MYH10: variants seen among roughly 807,000 people sequenced by gnomAD.
The protein encoded by MYH10 is myosin-10.
Under a neutral mutation model 257.8 loss-of-function variants are expected in MYH10, and 55 were observed. The ratio of observed to expected loss-of-function variants is 0.21; its 90% CI spans 0.17 to 0.27. The LOEUF (loss-of-function observed/expected upper bound fraction) is 0.27. MYH10 is among the 10% of genes least tolerant of loss of function. The pLI is 1.00. For synonymous variants in MYH10, 854 were observed against 921.7 expected (o/e 0.93, Z 1.33); for missense variants, 1,631 against 2,500.6 (o/e 0.65, Z 7.42).
chr17:8,476,155 T>A (rs1912566372), intron 42 of MYH10, among the ~76,000 whole-genome samples: 1 of 151,700 alleles, frequency 6.6e-6, no homozygotes, highest in Admixed American at 6.6e-5. Flanking sequence ...CGAAGCAGGG[T>A]CCTTGGAGAA....
chr17:8,609,520 A>G (rs968847514), intron 2 of MYH10, among the ~76,000 whole-genome samples: 5 of 152,296 alleles, frequency 3.3e-5, no homozygotes, highest in African/African-American at 1.2e-4. Context: ...CTAAAAGAAA[A>G]CTTTAGGAGA....
chr17:8,499,581 T>C (rs1917198028), intron 29 of MYH10, 105 bp from the exon 30 acceptor site: 1 of 947,208 alleles, frequency 1.1e-6, no homozygotes, highest in Admixed American at 2.3e-5. Flanking sequence ...ACAGTGAGTC[T>C]GTAGTCAACA....
chr17:8,525,461 G>A (rs768396966), intron 17 of MYH10, among the ~76,000 whole-genome samples: 3 of 152,244 alleles, frequency 2.0e-5, no homozygotes, highest in South Asian at 2.1e-4. Context: ...GATGTTGGCC[G>A]GTGCCTGGTG....
intron 3 of MYH10, among the ~76,000 whole-genome samples, chr17:8,589,556 G>C (rs555817595): frequency 6.6e-6 from 1 of 152,038 alleles, no homozygotes; most frequent in African/African-American, 2.4e-5. Context: ...TGGAAACCAC[G>C]GCCTTTCAGA....
chr17:8,537,862 C>T (rs192707642), intron 14 of MYH10, among the ~76,000 whole-genome samples: 5 of 152,198 alleles, frequency 3.3e-5, no homozygotes, highest in East Asian at 3.9e-4. Context: ...TTCTCTGAAC[C>T]GGGTATTTCC....
Position 8,480,474 on chromosome 17 carries a change from C to T in MYH10, c.5316G>A (p.Leu1772=). 6.2e-7 allele frequency: 1 copy of T among 1,612,402 alleles called. No individual in the cohort carries two copies. Among genetic ancestry groups the T allele is most frequent in the Non-Finnish European group, 8.5e-7 (1 of 1,179,982 alleles). The change falls in exon 39 of 43, where the codon CTG becomes CTA. Residue 1772 remains leucine, a synonymous_variant. Coordinates refer to ENST00000360416, the MANE Select transcript of MYH10 (RefSeq NM_001256012.3). ...TCTGCTCCTCTTCCAGCTCCTCCTC[C>T]AGCTGTGCGATCCGAGCTTCCAGAC... ...KRRLEARIAQ[L]EEELEEEQSN...
At chr17:8,515,428 C>T (rs572980782) in intron 21 of MYH10, among the ~76,000 whole-genome samples, 1 of 151,678 alleles carries the variant, frequency 6.6e-6, no homozygotes, top group South Asian at 2.1e-4. Flanking sequence ...TTCCTCCTTG[C>T]TGGTTAGAAT....
At chr17:8,488,791 C>T (rs569792488) in intron 35 of MYH10, among the ~76,000 whole-genome samples, 106 of 152,220 alleles carry the variant, frequency 7.0e-4, no homozygotes, top group African/African-American at 2.5e-3. Context: ...AGGTGCTCGT[C>T]ATCTGCTTGC....
At chr17:8,539,452 T>A (rs775720986) in intron 14 of MYH10, among the ~76,000 whole-genome samples, 3 of 152,148 alleles carry the variant, frequency 2.0e-5, no homozygotes, top group Non-Finnish European at 2.9e-5. Flanking sequence ...CAGGAACCAA[T>A]GAGCTCACCA....
chr17:8,503,139 C>T (rs1209117193), intron 28 of MYH10, among the ~76,000 whole-genome samples: 1 of 151,966 alleles, frequency 6.6e-6, no homozygotes, highest in Non-Finnish European at 1.5e-5. Flanking sequence ...CAAAATTAGC[C>T]GGGCGTGGTG....
intron 25 of MYH10, 90 bp from the exon 26 acceptor site, chr17:8,508,767 G>C (rs1286846359): frequency 6.7e-7 from 1 of 1,499,332 alleles, no homozygotes; most frequent in African/African-American, 1.4e-5. Context: ...TTTGACTCGA[G>C]AGAAAATAAG....
intron 28 of MYH10, among the ~76,000 whole-genome samples, chr17:8,502,448 T>C (rs2151847423): frequency 6.6e-6 from 1 of 151,668 alleles, no homozygotes; most frequent in East Asian, 1.9e-4. Flanking sequence ...AAATCTCTCC[T>C]ACTAGCAGCA....
intron 7 of MYH10, among the ~76,000 whole-genome samples, chr17:8,562,138 C>T (rs1337016815): frequency 3.9e-5 from 6 of 152,218 alleles, no homozygotes. Context: ...TTTTACAAGA[C>T]ATAGCCAAGC....
chr17:8,526,956 C>T (rs894629451), intron 17 of MYH10, among the ~76,000 whole-genome samples: 1 of 152,246 alleles, frequency 6.6e-6, no homozygotes, highest in Middle Eastern at 3.4e-3. Context: ...CAGCATCACG[C>T]GCTCCTCATG....
chr17:8,535,979 A>G lies in MYH10; in HGVS notation c.1606-48T>C. 6.5e-7 allele frequency: 1 copy of G among 1,547,008 alleles called. No individual in the cohort carries two copies. Among genetic ancestry groups the G allele is most frequent in the Non-Finnish European group, 8.9e-7 (1 of 1,127,074 alleles). On this transcript the variant is annotated intron_variant, in intron 14 of 42. Transcript: ENST00000360416. This position sits in a 1 kb window ranked among gnomAD's most constrained non-coding sequence, Gnocchi z 4.3. ...ATTCACAAGTTTTGCATGCCACTTT[A>G]ATACTACTGAGTCTGGCACTTAAAC...
chr17:8,478,888 C>G (rs201313760), intron 40 of MYH10, among the ~76,000 whole-genome samples: 1 of 152,166 alleles, frequency 6.6e-6, no homozygotes, highest in African/African-American at 2.4e-5. Flanking sequence ...TGCACCACCA[C>G]GCTGGGCTAA....
chr17:8,625,412 TA>T (rs1362387990), intron 1 of MYH10, among the ~76,000 whole-genome samples: 1 of 152,228 alleles, frequency 6.6e-6, no homozygotes, highest in African/African-American at 2.4e-5. Flanking sequence ...GAGGGTTTAT[TA>T]AAATACAGAT....
intron 35 of MYH10, among the ~76,000 whole-genome samples, chr17:8,489,716 C>CACACACACACACACACACACAT (rs1915454733): frequency 2.7e-5 from 1 of 36,830 alleles, no homozygotes; most frequent in African/African-American, 5.6e-5. Flanking sequence ...AAAACACACA[C>CACACACACACACACACACACAT]ACACACACAC....
chr17:8,522,353 G>A (rs1256911997), intron 17 of MYH10, among the ~76,000 whole-genome samples: 1 of 152,190 alleles, frequency 6.6e-6, no homozygotes, highest in African/African-American at 2.4e-5. Context: ...GACCCCGGGA[G>A]GTAAAAGTGA....
Sources: allele counts gnomAD v4.1 joint callset (sites outside exome capture counted in the v4.1 genomes callset), GRCh38; gene constraint gnomAD v4.1.1; non-coding constraint Gnocchi (gnomAD v3.1); transcripts MANE v1.5; gene names NCBI Gene and HGNC (gene_info 2026-07-23, HGNC 2026-07-21).